SPECC1: variants seen among roughly 807,000 people sequenced by gnomAD.
SPECC1 encodes the protein cytospin-B.
SPECC1 carries 62 observed loss-of-function variants against 104.1 expected under a neutral mutation model. The ratio of observed to expected loss-of-function variants is 0.60; its 90% CI spans 0.49 to 0.74. The LOEUF is 0.74. SPECC1 is among the 30% of genes least tolerant of loss of function. SPECC1 has a pLI of 0.00. For synonymous variants in SPECC1, 513 were observed against 501.6 expected (o/e 1.02, Z -0.30); for missense variants, 1,306 against 1,310.5 (o/e 1.00, Z 0.05).
At chr17:20,022,158 G>T in intron 1 of SPECC1, among the ~76,000 whole-genome samples, 1 of 151,304 alleles carries the variant, frequency 6.6e-6, no homozygotes. Flanking sequence ...AGCCAGGATG[G>T]TCTCGATCTC....
intron 3 of SPECC1, among the ~76,000 whole-genome samples, chr17:20,201,644 C>T (rs2036442211): frequency 6.6e-6 from 1 of 152,252 alleles, no homozygotes; most frequent in African/African-American, 2.4e-5. Context: ...ACGGTCCTTG[C>T]TGCAATGACT....
chr17:20,075,087 A>C (rs2046705664), intron 1 of SPECC1, among the ~76,000 whole-genome samples: 1 of 150,856 alleles, frequency 6.6e-6, no homozygotes, highest in South Asian at 2.1e-4. Context: ...ATTTTTAGTA[A>C]AGACAACATT....
At position 20,297,039 on chromosome 17, in the gene SPECC1, G is replaced by C. The variant is rs1380388240; in HGVS notation, c.3019G>C (p.Ala1007Pro). 1 of 1,614,144 alleles carries C rather than the reference G, an allele frequency of 6.2e-7. No homozygotes were observed. Among genetic ancestry groups the C allele is most frequent in the Non-Finnish European group, 8.5e-7 (1 of 1,180,014 alleles). Residue 1007 changes from alanine to proline, a missense_variant, in exon 13 of 15, where the codon GCC becomes CCC. Physicochemically the swap from Ala to Pro is conservative, Grantham distance 27. This residue lies in a region of SPECC1 where 129 missense variants were observed against 170.6 expected (regional missense o/e 0.76). Transcript: ENST00000395527. ...TGCTCTGCTCCACACCTACCTGCCT[G>C]CCCACATCCCCTACCAGGAGCTGAA... ...FCALLHTYLP[A>P]HIPYQELNSQ... is the part of the protein sequence containing the mutation.
chr17:20,205,354 G>T lies in SPECC1; in HGVS notation c.1305G>T (p.Gln435His). The change falls in exon 4 of 15, where the codon CAG becomes CAT. Residue 435 changes from glutamine to histidine, a missense_variant. Coordinates refer to ENST00000395527, the MANE Select transcript of SPECC1 (RefSeq NM_001243439.2). Reference sequence around the variant, plus strand: ...ATCAGCATCGAGAGAGGGCAGAGCAGCTAAGTCAAGAAAATGAGAAGCTGA... The same window carrying T: ...ATCAGCATCGAGAGAGGGCAGAGCATCTAAGTCAAGAAAATGAGAAGCTGA... ...SFHQHRERAE[Q>H]LSQENEKLMN... 1 of 1,613,810 alleles carries T rather than the reference G, an allele frequency of 6.2e-7. No individual in the cohort carries two copies. Among genetic ancestry groups the T allele is most frequent in the Non-Finnish European group, 8.5e-7 (1 of 1,179,970 alleles).
At chr17:20,062,887 C>T (rs1227388280) in intron 1 of SPECC1, among the ~76,000 whole-genome samples, 1 of 151,962 alleles carries the variant, frequency 6.6e-6, no homozygotes, top group Non-Finnish European at 1.5e-5. Context: ...AGGGTTTCGT[C>T]ATGTTGGCCA....
intron 12 of SPECC1, among the ~76,000 whole-genome samples, chr17:20,274,968 GATTCTTGT>G (rs1317387207): frequency 2.7e-5 from 4 of 149,562 alleles, no homozygotes; most frequent in Non-Finnish European, 5.9e-5. Context: ...ACCTAAATGA[GATTCTTGT>G]ATTGTTTTGT....
At chr17:20,125,652 C>T (rs996837749) in intron 3 of SPECC1, among the ~76,000 whole-genome samples, 1 of 152,226 alleles carries the variant, frequency 6.6e-6, no homozygotes, top group African/African-American at 2.4e-5. Flanking sequence ...GCTTATTTCC[C>T]TTAGCATAGT....
chr17:20,191,648 G>GC (rs2035681171), intron 3 of SPECC1, among the ~76,000 whole-genome samples: 1 of 149,138 alleles, frequency 6.7e-6, no homozygotes, highest in South Asian at 2.2e-4. Context: ...CCCTTCCCTA[G>GC]CCCCCCCACC....
chr17:20,157,297 C>T (rs1369183195), intron 3 of SPECC1, among the ~76,000 whole-genome samples: 1 of 151,998 alleles, frequency 6.6e-6, no homozygotes, highest in Non-Finnish European at 1.5e-5. Context: ...GTACCACAGC[C>T]AGGATGGAAA....
chr17:20,186,729 G>T (rs2526459), intron 3 of SPECC1, among the ~76,000 whole-genome samples: 65,610 of 151,532 alleles, frequency 0.43, 14,767 homozygotes, highest in East Asian at 0.8. Context: ...CCACACCTGG[G>T]TTTTTTTTGT....
intron 1 of SPECC1, among the ~76,000 whole-genome samples, chr17:20,059,297 C>T (rs1484859128): frequency 1.3e-5 from 2 of 152,070 alleles, no homozygotes; most frequent in Non-Finnish European, 2.9e-5. Flanking sequence ...GATCTTCCGG[C>T]ATTAGAGTCT....
At position 20,227,516 on chromosome 17, in the gene SPECC1, C is replaced by A. The variant is rs2038295996; in HGVS notation, c.1967C>A (p.Ala656Glu). 1.2e-6 allele frequency: 2 copies of A among 1,613,438 alleles called. No homozygotes were observed. The highest frequency in any genetic ancestry group is 1.7e-6 in the Non-Finnish European group (2 of 1,179,812). The change falls in exon 5 of 15, where the codon GCA (alanine) becomes GAA (glutamate). Residue 656 changes from alanine to glutamate, a missense_variant. By Grantham distance (107) the Ala-to-Glu change is moderately radical. Transcript: ENST00000395527. ...KLQEKASESD[A>E]EIKDMKETIF... The stretch of plus-strand genomic sequence containing the variant: ...CAAGAAAAAGCATCAGAGAGTGATG[C>A]AGAGATCAAAGACATGAAAGAAACC...
intron 2 of SPECC1, among the ~76,000 whole-genome samples, chr17:20,108,224 C>CA (rs1408282730): frequency 1.6e-4 from 22 of 136,412 alleles, no homozygotes; most frequent in African/African-American, 3.3e-4. Context: ...TTAAAAATTA[C>CA]AAAAAAAAGG....
chr17:20,279,309 C>CTTTTTTTTTTT (rs558884865), intron 12 of SPECC1, among the ~76,000 whole-genome samples: 5 of 131,866 alleles, frequency 3.8e-5, no homozygotes, highest in Admixed American at 7.6e-5. Context: ...ACTTTTCTTT[C>CTTTTTTTTTTT]TTTTTTTTTT....
intron 12 of SPECC1, among the ~76,000 whole-genome samples, chr17:20,283,820 C>G (rs2040854606): frequency 6.6e-6 from 1 of 152,116 alleles, no homozygotes; most frequent in Non-Finnish European, 1.5e-5. Flanking sequence ...AACCCCTGGC[C>G]TCGAGCGATC....
At chr17:20,101,273 C>T (rs138381515) in intron 2 of SPECC1, among the ~76,000 whole-genome samples, 5,553 of 152,284 alleles carry the variant, frequency 0.036, 122 homozygotes, top group Middle Eastern at 0.061. Context: ...CTAATTTACA[C>T]TCCCACCAAC....
chr17:20,250,509 T>C (rs966726649), intron 9 of SPECC1, among the ~76,000 whole-genome samples: 3 of 152,172 alleles, frequency 2.0e-5, no homozygotes, highest in Non-Finnish European at 4.4e-5. Flanking sequence ...TAGAAAATAT[T>C]GATGAAATGG....
chr17:20,120,763 A>C (rs1343494310), intron 3 of SPECC1, among the ~76,000 whole-genome samples: 2 of 152,192 alleles, frequency 1.3e-5, no homozygotes, highest in Non-Finnish European at 2.9e-5. Context: ...GTGATTTTGA[A>C]CTTACAAGAA....
intron 3 of SPECC1, among the ~76,000 whole-genome samples, chr17:20,135,487 T>G (rs1290632522): frequency 6.6e-6 from 1 of 152,172 alleles, no homozygotes; most frequent in Non-Finnish European, 1.5e-5. Flanking sequence ...GGTCTTGCTG[T>G]GTCACCCAGG....
Sources: gnomAD v4.1 joint callset for allele counts (sites outside exome capture counted in the v4.1 genomes callset) on GRCh38, gnomAD v4.1.1 for gene constraint, gnomAD v4.1.1 regional missense constraint, MANE v1.5 for transcripts, NCBI Gene and HGNC (gene_info 2026-07-23, HGNC 2026-07-21) for gene names.